DGKG: variants seen among roughly 807,000 people sequenced by gnomAD.
DGKG encodes the protein DAG kinase gamma.
A neutral mutation model predicts 105.3 loss-of-function variants in DGKG; 78 were observed. The observed-to-expected ratio is 0.74, with a 90% CI of 0.62 to 0.89. The LOEUF (loss-of-function observed/expected upper bound fraction) is 0.89. DGKG is among the 40% of genes least tolerant of loss of function. DGKG has a pLI of 0.00. For synonymous variants in DGKG, 346 were observed against 367.1 expected, an observed-to-expected ratio of 0.94 and a Z score of 0.66; for missense variants, 958 against 1,020.1, an observed-to-expected ratio of 0.94 and a Z score of 0.83.
At chr3:186,309,132 G>C (rs1171251220) in intron 2 of DGKG, among the ~76,000 whole-genome samples, 2 of 152,120 alleles carry the variant, frequency 1.3e-5, no homozygotes, top group Non-Finnish European at 2.9e-5. Flanking sequence ...ACACCAAGTT[G>C]GGAAGAAGAA....
chr3:186,313,469 C>T (rs1724658814), intron 2 of DGKG: 1 of 980,698 alleles, frequency 1.0e-6, no homozygotes, highest in South Asian at 4.7e-5. Context: ...AGAACATTTT[C>T]TCACCTTTTC....
chr3:186,355,685 C>A (rs1245992335), intron 1 of DGKG, among the ~76,000 whole-genome samples: 6 of 151,766 alleles, frequency 4.0e-5, no homozygotes, highest in Non-Finnish European at 5.9e-5. Flanking sequence ...ACCATCATTA[C>A]CCCATTATCA....
At chr3:186,214,783 G>A (rs1447286543) in intron 20 of DGKG, among the ~76,000 whole-genome samples, 3 of 152,180 alleles carry the variant, frequency 2.0e-5, no homozygotes, top group Non-Finnish European at 2.9e-5. Flanking sequence ...TAGAGAAGGT[G>A]TGCCTGGTAC....
At chr3:186,199,829 T>G (rs1205548509) in intron 21 of DGKG, among the ~76,000 whole-genome samples, 1 of 152,188 alleles carries the variant, frequency 6.6e-6, no homozygotes. Flanking sequence ...TTTCCATTTT[T>G]ACAGATGAGG....
At chr3:186,304,213 G>A (rs2268820) in intron 3 of DGKG, among the ~76,000 whole-genome samples, 1 of 152,190 alleles carries the variant, frequency 6.6e-6, no homozygotes, top group Non-Finnish European at 1.5e-5. Context: ...ATTAGCAGCC[G>A]CCGCCAGGCT....
intron 22 of DGKG, among the ~76,000 whole-genome samples, chr3:186,177,891 G>A (rs919117091): frequency 2.6e-5 from 4 of 152,184 alleles, no homozygotes; most frequent in South Asian, 2.1e-4. Flanking sequence ...CTGAATGTTT[G>A]TGTTCCCCTC....
chr3:186,160,797 C>T (rs1305389102), intron 24 of DGKG: 12 of 985,290 alleles, frequency 1.2e-5, no homozygotes, highest in African/African-American at 8.7e-5. Flanking sequence ...CTCTTCACCA[C>T]GAGATTCTAG....
chr3:186,158,971 T>G (rs1279427513), intron 24 of DGKG: 1 of 332,164 alleles, frequency 3.0e-6, no homozygotes, highest in Non-Finnish European at 4.3e-6. Flanking sequence ...TCTTTATACC[T>G]GATAAAGGAT....
chr3:186,238,976 G>T (rs1161670889), intron 20 of DGKG, among the ~76,000 whole-genome samples: 1 of 152,010 alleles, frequency 6.6e-6, no homozygotes, highest in African/African-American at 2.4e-5. Flanking sequence ...AAACATTTTG[G>T]GAGTATAGGT....
rs112452369 is a variant in DGKG at position 186,247,106 on chromosome 3, A to C, written c.1762-4538T>G. On this transcript the variant is annotated intron_variant, in intron 19 of 24. Transcript: ENST00000265022. ...GTCAGAGGAAGTGGCATCCTGAATG[A>C]CTGTGTTTAAAATCTCCTGCCAGTA... 3.6e-4 allele frequency among the ~76,000 whole-genome samples: 55 copies of C among 152,274 alleles called. No individual in the cohort carries two copies. The Middle Eastern group carries it at 0.01, about 28-fold the overall frequency.
rs146143684 is a variant in DGKG, at chr3:186,276,420, A to T, written c.793-756T>A. Among the ~76,000 whole-genome samples the T allele has an allele frequency of 9.5e-4, 145 of 152,282 alleles. 1 individual carries two copies. Among genetic ancestry groups the T allele is most frequent in the Middle Eastern group, 3.4e-3 (1 of 294 alleles). On this transcript the variant is annotated intron_variant, in intron 9 of 24. Coordinates refer to ENST00000265022, the MANE Select transcript of DGKG (RefSeq NM_001346.3). ...TTGGCTATAGCTGGCAGCAATATGGATTTATTGTATTCTCTGATTTCTACT... is the reference window on the plus strand; with the variant it reads ...TTGGCTATAGCTGGCAGCAATATGGTTTTATTGTATTCTCTGATTTCTACT...
At chr3:186,300,394 C>T (rs945249819) in intron 3 of DGKG, among the ~76,000 whole-genome samples, 7 of 152,146 alleles carry the variant, frequency 4.6e-5, no homozygotes, top group African/African-American at 1.7e-4. Flanking sequence ...TCTGAAACTG[C>T]TTTGTTGAAG....
intron 3 of DGKG, among the ~76,000 whole-genome samples, chr3:186,301,454 C>T (rs918371193): frequency 1.3e-5 from 2 of 152,138 alleles, no homozygotes; most frequent in African/African-American, 4.8e-5. Context: ...GGTGAAACCC[C>T]ATCTCTACTA....
intron 2 of DGKG, among the ~76,000 whole-genome samples, chr3:186,314,005 T>G (rs943448564): frequency 2.6e-5 from 4 of 152,352 alleles, no homozygotes; most frequent in African/African-American, 7.2e-5. Flanking sequence ...GTTCTCTGAC[T>G]CTGACAGTTT....
chr3:186,344,781 C>T (rs1385554299), intron 1 of DGKG, among the ~76,000 whole-genome samples: 1 of 152,136 alleles, frequency 6.6e-6, no homozygotes, highest in African/African-American at 2.4e-5. Flanking sequence ...AAATTCATTT[C>T]TAACAGAAAC....
intron 24 of DGKG, among the ~76,000 whole-genome samples, chr3:186,152,350 G>GCTGGAGA (rs1432305529): frequency 6.6e-6 from 1 of 152,170 alleles, no homozygotes; most frequent in Non-Finnish European, 1.5e-5. Context: ...CGAGGCATAG[G>GCTGGAGA]CTGGAGACTG....
At chr3:186,238,331 C>T (rs747704174) in intron 20 of DGKG, among the ~76,000 whole-genome samples, 7 of 151,354 alleles carry the variant, frequency 4.6e-5, no homozygotes, top group African/African-American at 1.2e-4. Context: ...AAAACATCCC[C>T]CAAAAAGAAA....
intron 1 of DGKG, among the ~76,000 whole-genome samples, chr3:186,334,110 T>A (rs1725720197): frequency 6.6e-6 from 1 of 152,122 alleles, no homozygotes; most frequent in East Asian, 1.9e-4. Context: ...TTGTTTCCCA[T>A]AACAACATAA....
At chr3:186,326,911 C>G (rs1334393084) in intron 1 of DGKG, among the ~76,000 whole-genome samples, 1 of 152,160 alleles carries the variant, frequency 6.6e-6, no homozygotes, top group African/African-American at 2.4e-5. Flanking sequence ...GTAATCCCAG[C>G]ACTTTGGGAG....
Sources: gnomAD v4.1 joint callset for allele counts (sites outside exome capture counted in the v4.1 genomes callset) on GRCh38, gnomAD v4.1.1 for gene constraint, MANE v1.5 for transcripts, NCBI Gene and HGNC (gene_info 2026-07-23, HGNC 2026-07-21) for gene names.